VIPR2: variants seen among roughly 807,000 people sequenced by gnomAD.
VIPR2 encodes the protein vasoactive intestinal peptide receptor 2, also known as vasoactive intestinal polypeptide receptor 2.
Under a neutral mutation model 58.0 loss-of-function variants are expected in VIPR2, and 48 were observed. The ratio of observed to expected loss-of-function variants is 0.83; its 90% CI spans 0.66 to 1.05. VIPR2 has a LOEUF of 1.05. VIPR2 is among the 50% of genes least tolerant of loss of function. VIPR2 has a pLI of 0.00. For missense variants in VIPR2, 534 were observed against 558.0 expected (o/e 0.96, Z 0.43); for synonymous variants, 243 against 235.2 (o/e 1.03, Z -0.30).
At chr7:159,134,069 T>C (rs1201313624) in intron 2 of VIPR2, among the ~76,000 whole-genome samples, 1 of 152,220 alleles carries the variant, frequency 6.6e-6, no homozygotes, top group Non-Finnish European at 1.5e-5. Context: ...TTAAATGATA[T>C]TTACTACATA....
At chr7:159,090,501 C>A (rs1419183668) in intron 4 of VIPR2, among the ~76,000 whole-genome samples, 2 of 79,704 alleles carry the variant, frequency 2.5e-5, no homozygotes, top group Admixed American at 1.1e-4. Context: ...GGGGCCACCT[C>A]CTGCGACCAT....
intron 4 of VIPR2, 144 bp downstream of exon 4, chr7:159,103,613 T>C (rs1858436288): frequency 1.5e-6 from 1 of 657,542 alleles, no homozygotes; most frequent in Admixed American, 2.7e-5. Context: ...GGACTTCGCT[T>C]AACTTGGAAA....
intron 2 of VIPR2, among the ~76,000 whole-genome samples, chr7:159,136,087 A>G (rs1191067732): frequency 2.6e-5 from 4 of 152,188 alleles, no homozygotes; most frequent in Non-Finnish European, 5.9e-5. Context: ...TTATAACAAC[A>G]TACCGGAAAC....
At position 159,030,594 on chromosome 7, in the gene VIPR2, C is replaced by T. The variant is rs1213544254; in HGVS notation, c.*22G>A. Reference sequence around the variant, plus strand: ...GCCCCGAACCGTGGGCCTCCCGCCGCGTCCGACAGGCAGGGGTGGGGCTAG... The same window carrying T: ...GCCCCGAACCGTGGGCCTCCCGCCGTGTCCGACAGGCAGGGGTGGGGCTAG... On this transcript the variant is annotated 3_prime_UTR_variant, in exon 13 of 13. Transcript: ENST00000262178. 1.3e-6 allele frequency: 2 copies of T among 1,511,350 alleles called. No homozygotes were observed. The highest frequency in any genetic ancestry group is 1.8e-6 in the Non-Finnish European group (2 of 1,126,606). The allele number at this position is 1,511,350 out of a possible 1,614,324, so 93.6% of individuals were successfully genotyped here. A position where few individuals can be genotyped will look rare whatever the true frequency, so the allele number is the denominator to read the frequency against.
chr7:159,104,734 C>T (rs1288779977), intron 3 of VIPR2, among the ~76,000 whole-genome samples: 1 of 151,688 alleles, frequency 6.6e-6, no homozygotes, highest in Non-Finnish European at 1.5e-5. Context: ...GACTGGGTGC[C>T]CCACCCAGTT....
intron 5 of VIPR2, among the ~76,000 whole-genome samples, chr7:159,055,727 G>C (rs1178410548): frequency 6.6e-6 from 1 of 152,126 alleles, no homozygotes; most frequent in African/African-American, 2.4e-5. Context: ...GTGTTTCTGT[G>C]GAGTGGGGTT....
chr7:159,131,056 A>G (rs1364820710), intron 2 of VIPR2, among the ~76,000 whole-genome samples: 1 of 152,168 alleles, frequency 6.6e-6, no homozygotes, highest in Non-Finnish European at 1.5e-5. Flanking sequence ...TACATGCAGA[A>G]ACGTAGATAA....
intron 5 of VIPR2, among the ~76,000 whole-genome samples, chr7:159,055,951 G>A (rs752216250): frequency 6.6e-6 from 1 of 152,232 alleles, no homozygotes; most frequent in Non-Finnish European, 1.5e-5. Context: ...ATTAGCAATG[G>A]TGGGAAAGGA....
chr7:159,106,928 CAGAGAGATCAGGGAGGTACAG>C, intron 3 of VIPR2, among the ~76,000 whole-genome samples: 1 of 143,236 alleles, frequency 7.0e-6, no homozygotes, highest in South Asian at 2.3e-4. Context: ...CAGGGAGGTG[CAGAGAGATCAGGGAGGTACAG>C]AGAGAGGCCA....
chr7:159,047,738 C>T (rs1854742895), intron 5 of VIPR2, among the ~76,000 whole-genome samples: 1 of 152,074 alleles, frequency 6.6e-6, no homozygotes, highest in African/African-American at 2.4e-5. Flanking sequence ...AATCGCTGAG[C>T]GTTTACACAA....
intron 2 of VIPR2, among the ~76,000 whole-genome samples, chr7:159,138,091 C>T (rs1023735055): frequency 2.6e-5 from 4 of 152,200 alleles, no homozygotes; most frequent in African/African-American, 9.7e-5. Context: ...AGCGAGCTCC[C>T]ACCAGAGCTC....
intron 2 of VIPR2, among the ~76,000 whole-genome samples, chr7:159,119,943 G>GTCCC (rs1796394180): frequency 2.0e-5 from 3 of 150,690 alleles, no homozygotes; most frequent in African/African-American, 7.4e-5. Flanking sequence ...CGGAAGAAAT[G>GTCCC]CTTGTCCCCT....
rs191453130 is a variant in VIPR2 at position 159,099,728 on chromosome 7, G to A, written c.357+4029C>T. Among the ~76,000 whole-genome samples the A allele has an allele frequency of 6.6e-6, 1 of 152,154 alleles. No homozygotes were observed. The highest frequency in any genetic ancestry group is 2.4e-5 in the African/African-American group (1 of 41,500). On this transcript the variant is annotated intron_variant, in intron 4 of 12. Coordinates refer to ENST00000262178, the MANE Select transcript of VIPR2 (RefSeq NM_003382.5). This position sits in a 1 kb window ranked among gnomAD's most constrained non-coding sequence, Gnocchi z 4.2. ...AGACGAAGATGAAGACTCAGAGGTG[G>A]TGCCTCCAACACACCGGGGATCCCA...
intron 4 of VIPR2, among the ~76,000 whole-genome samples, chr7:159,069,228 C>T (rs73730138): frequency 0.031 from 4,651 of 152,276 alleles, 116 homozygotes; most frequent in African/African-American, 0.06. Flanking sequence ...CTCACTTTTT[C>T]TTCCTGTCAG....
chr7:159,058,524 G>C lies in VIPR2; in HGVS notation c.412C>G (p.Leu138Val). 6.2e-7 allele frequency: 1 copy of C among 1,613,642 alleles called. No individual in the cohort carries two copies. Among genetic ancestry groups the C allele is most frequent in the Admixed American group, 1.7e-5 (1 of 60,028 alleles). The change falls in exon 5 of 13, where the codon CTG becomes GTG. Residue 138 changes from leucine (L) to valine (V), a missense_variant. Physicochemically the swap from Leu to Val is conservative, Grantham distance 32 (BLOSUM62 1). Transcript: ENST00000262178. The part of the protein sequence containing the change: ...AIYTLGYSVS[L>V]MSLATGSIIL... ...ATGCTTCCTGTTGCAAGAGACATCA[G>C]AGAGACACTGTAGCCCAGTGTATAA... is the stretch of plus-strand genomic sequence containing the variant.
chr7:159,091,921 A>G (rs1198354155), intron 4 of VIPR2, among the ~76,000 whole-genome samples: 4 of 152,202 alleles, frequency 2.6e-5, no homozygotes, highest in Non-Finnish European at 5.9e-5. Context: ...TGAGGCCAGG[A>G]GTCTCTACTA....
rs1292266361 is a variant in VIPR2 at position 159,095,932 on chromosome 7, G to A, written c.357+7825C>T. On this transcript the variant is annotated intron_variant, in intron 4 of 12. Transcript: ENST00000262178. The surrounding 1 kb of genome is among the most constrained non-coding windows in gnomAD (Gnocchi z 5.2). ...AATGCTGAGTCCTGAAGCATGTGCT[G>A]TGTGTCCTGGAGGGGCCAGTGTGGT... Among the ~76,000 whole-genome samples, 1 of 152,122 alleles carries A rather than the reference G, an allele frequency of 6.6e-6. No homozygotes were observed. The highest frequency in any genetic ancestry group is 2.4e-5 in the African/African-American group (1 of 41,406).
chr7:159,137,590 T>G lies in VIPR2; in HGVS notation c.151+4856A>C, dbSNP rs1435408317. ...CTTGCTATGTTAATCAGGCTTGTCT[T>G]GAACTCCTGCCTTCAAGTTACCCTC... On this transcript the variant is annotated intron_variant, in intron 2 of 12. Coordinates refer to ENST00000262178, the MANE Select transcript of VIPR2 (RefSeq NM_003382.5). Among the ~76,000 whole-genome samples the G allele has an allele frequency of 3.3e-5, 5 of 152,182 alleles. No individual in the cohort carries two copies. The East Asian group carries it at 9.7e-4, about 29-fold the overall frequency.
intron 7 of VIPR2, among the ~76,000 whole-genome samples, chr7:159,036,365 T>G (rs1265159478): frequency 2.0e-5 from 3 of 152,114 alleles, no homozygotes; most frequent in African/African-American, 7.2e-5. Context: ...TCCATGAGGA[T>G]GTCCCAAATT....
Sources: allele counts gnomAD v4.1 joint callset (sites outside exome capture counted in the v4.1 genomes callset), GRCh38; gene constraint gnomAD v4.1.1; non-coding constraint Gnocchi (gnomAD v3.1); transcripts MANE v1.5; gene names NCBI Gene and HGNC (gene_info 2026-07-23, HGNC 2026-07-21).